Variants in TENM3 observed in about 807,000 individuals in gnomAD.
TENM3 encodes teneurin transmembrane protein 3, also known as teneurin-3.
In TENM3, 63 loss-of-function variants were observed where a neutral mutation model predicts 255.1. The ratio of observed to expected loss-of-function variants is 0.25; its 90% CI spans 0.20 to 0.30. TENM3 has a LOEUF of 0.30. Ranked by LOEUF, TENM3 falls within the 10% of genes least tolerant of loss-of-function variation. The pLI, the probability that TENM3 is intolerant of heterozygous loss-of-function variation, is 1.00. For missense variants in TENM3, 2,929 were observed against 3,461.1 expected, an observed-to-expected ratio of 0.85 and a Z score of 3.86; for synonymous variants, 1,306 against 1,322.3, an observed-to-expected ratio of 0.99 and a Z score of 0.27.
chr4:182,422,392 A>G (rs1437974141), intron 3 of TENM3, among the ~76,000 whole-genome samples: 1 of 152,228 alleles, frequency 6.6e-6, no homozygotes, highest in Non-Finnish European at 1.5e-5. Flanking sequence ...TCACATTGAC[A>G]TTCCTTCTTC....
At chr4:182,739,728 A>G (rs1464678603) in intron 18 of TENM3, among the ~76,000 whole-genome samples, 1 of 152,166 alleles carries the variant, frequency 6.6e-6, no homozygotes, top group African/African-American at 2.4e-5. Context: ...TAGTTTTAAG[A>G]CCATTACTTG....
At chr4:182,160,072 G>A (rs532209872) in intron 1 of TENM3, among the ~76,000 whole-genome samples, 2 of 149,750 alleles carry the variant, frequency 1.3e-5, no homozygotes, top group Admixed American at 1.3e-4. Flanking sequence ...GTGCGATCTC[G>A]GCTCACTGCA....
the TENM3 span, among the ~76,000 whole-genome samples, chr4:181,682,328 T>C: frequency 9.2e-5 from 14 of 152,126 alleles, no homozygotes; most frequent in Non-Finnish European, 1.9e-4. Context: ...AGCAGGGTTT[T>C]TCCAAGACAT....
intron 4 of TENM3, among the ~76,000 whole-genome samples, chr4:182,626,237 C>T (rs1214218841): frequency 6.6e-6 from 1 of 152,164 alleles, no homozygotes; most frequent in East Asian, 1.9e-4. Context: ...ATCCAGACTA[C>T]ATGCCAGTGT....
chr4:182,556,607 C>G (rs1365175081), intron 3 of TENM3, among the ~76,000 whole-genome samples: 11 of 152,112 alleles, frequency 7.2e-5, no homozygotes, highest in Admixed American at 7.2e-4. Flanking sequence ...GTTTTACTTA[C>G]ATAGTGAAGC....
the TENM3 span, among the ~76,000 whole-genome samples, chr4:182,117,029 C>T: frequency 3.3e-5 from 5 of 152,114 alleles, no homozygotes; most frequent in East Asian, 1.9e-4. Context: ...CTTGCATTTC[C>T]CAAATTATAT....
the TENM3 span, among the ~76,000 whole-genome samples, chr4:181,953,276 CCAT>C: frequency 2.1e-5 from 3 of 141,446 alleles, no homozygotes; most frequent in African/African-American, 7.5e-5. Context: ...ACCACCACCA[CCAT>C]CATCATCATC....
At chr4:182,082,324 T>A in the TENM3 span, among the ~76,000 whole-genome samples, 1 of 152,072 alleles carries the variant, frequency 6.6e-6, no homozygotes, top group Non-Finnish European at 1.5e-5. Flanking sequence ...CATGACTCCA[T>A]CCTCATGACC....
At chr4:182,625,164 C>T (rs1242438355) in intron 4 of TENM3, among the ~76,000 whole-genome samples, 4 of 152,146 alleles carry the variant, frequency 2.6e-5, no homozygotes, top group East Asian at 1.9e-4. Flanking sequence ...TCAGGTCCAT[C>T]GGTGATACCA....
intron 3 of TENM3, among the ~76,000 whole-genome samples, chr4:182,393,041 T>G (rs1339962952): frequency 1.3e-5 from 2 of 152,192 alleles, no homozygotes; most frequent in Non-Finnish European, 2.9e-5. Context: ...CTTTGAGGGA[T>G]AAAAGATGCT....
At chr4:182,673,368 C>T in intron 7 of TENM3, 149 bp downstream of exon 7, 6 of 589,816 alleles carry the variant, frequency 1.0e-5, no homozygotes, top group Non-Finnish European at 1.8e-5. Flanking sequence ...ATGTAGATTA[C>T]TTGTTCTGAG....
intron 5 of TENM3, among the ~76,000 whole-genome samples, chr4:182,636,081 T>A (rs1190993767): frequency 1.3e-5 from 2 of 152,220 alleles, no homozygotes; most frequent in Non-Finnish European, 2.9e-5. Flanking sequence ...TTACATACCA[T>A]TTTCCACTAC....
the TENM3 span, among the ~76,000 whole-genome samples, chr4:181,491,785 C>T: frequency 2.6e-5 from 4 of 152,198 alleles, no homozygotes; most frequent in East Asian, 7.7e-4. Flanking sequence ...GAAAAGTGGA[C>T]ATTAATTTGT....
At chr4:182,167,443 T>A (rs963869920) in intron 1 of TENM3, among the ~76,000 whole-genome samples, 1 of 152,216 alleles carries the variant, frequency 6.6e-6, no homozygotes, top group African/African-American at 2.4e-5. Flanking sequence ...AGTATATTGA[T>A]TATGCTAATT....
intron 5 of TENM3, among the ~76,000 whole-genome samples, chr4:182,642,713 T>C (rs1752421029): frequency 6.6e-6 from 1 of 152,210 alleles, no homozygotes; most frequent in African/African-American, 2.4e-5. Context: ...TTTTAGAATG[T>C]TATCATGTAA....
chr4:182,666,767 T>C (rs560164387), intron 6 of TENM3, among the ~76,000 whole-genome samples: 2 of 151,918 alleles, frequency 1.3e-5, no homozygotes, highest in Non-Finnish European at 2.9e-5. Flanking sequence ...GACTCGGTGG[T>C]GTGCACCTGT....
intron 1 of TENM3, among the ~76,000 whole-genome samples, chr4:182,158,667 A>G (rs1161294926): frequency 6.6e-6 from 1 of 152,144 alleles, no homozygotes; most frequent in Non-Finnish European, 1.5e-5. Context: ...ACTTAGGCCT[A>G]TCCTTTGTCC....
At chr4:181,899,539 G>T in the TENM3 span, among the ~76,000 whole-genome samples, 8 of 151,620 alleles carry the variant, frequency 5.3e-5, no homozygotes, top group East Asian at 1.6e-3. Context: ...TTGTTTTGTT[G>T]TTTTGTTTTT....
chr4:181,469,140 T>C, the TENM3 span, among the ~76,000 whole-genome samples: 1 of 152,192 alleles, frequency 6.6e-6, no homozygotes, highest in Non-Finnish European at 1.5e-5. Flanking sequence ...TCTACTGGGT[T>C]GCTCTGGTTG....
Sources: allele counts gnomAD v4.1 joint callset (sites outside exome capture counted in the v4.1 genomes callset), GRCh38; gene constraint gnomAD v4.1.1; transcripts MANE v1.5; gene names NCBI Gene and HGNC (gene_info 2026-07-23, HGNC 2026-07-21).